Variants in STIM1 observed in about 807,000 individuals in gnomAD.
The protein encoded by STIM1 is stromal interaction molecule 1.
STIM1 carries 25 observed loss-of-function variants against 74.7 expected under a neutral mutation model. The ratio of observed to expected loss-of-function variants is 0.33; its 90% CI spans 0.24 to 0.47. The LOEUF is 0.47. Ranked by LOEUF, STIM1 falls within the 20% of genes least tolerant of loss-of-function variation. The pLI, the probability that STIM1 is intolerant of heterozygous loss-of-function variation, is 1.00. For synonymous variants in STIM1, 328 were observed against 348.8 expected (o/e 0.94, Z 0.66); for missense variants, 728 against 920.8 (o/e 0.79, Z 2.71).
At chr11:4,075,614 T>C (rs1362125310) in intron 7 of STIM1, among the ~76,000 whole-genome samples, 7 of 152,240 alleles carry the variant, frequency 4.6e-5, no homozygotes, top group Admixed American at 4.6e-4. Flanking sequence ...TACTTTAATT[T>C]ATCCACTCTT....
intron 3 of STIM1, among the ~76,000 whole-genome samples, chr11:4,043,198 T>C (rs2094162003): frequency 6.6e-6 from 1 of 152,214 alleles, no homozygotes; most frequent in South Asian, 2.1e-4. Context: ...TGGCAGTCTT[T>C]AATAACTTTA....
intron 2 of STIM1, among the ~76,000 whole-genome samples, chr11:3,974,513 CA>C (rs554777497): frequency 0.026 from 1,811 of 70,242 alleles, 12 homozygotes; most frequent in African/African-American, 0.046. Flanking sequence ...CTATCTCTAC[CA>C]AAAAAAAAAA....
intron 3 of STIM1, among the ~76,000 whole-genome samples, chr11:4,048,457 T>TTCCA (rs2094211318): frequency 6.6e-6 from 1 of 152,166 alleles, no homozygotes; most frequent in Non-Finnish European, 1.5e-5. Context: ...GCTTTTTTGC[T>TTCCA]GAAAATCAGT....
intron 7 of STIM1, among the ~76,000 whole-genome samples, chr11:4,078,494 G>T (rs2094448713): frequency 6.6e-6 from 1 of 151,922 alleles, no homozygotes; most frequent in Non-Finnish European, 1.5e-5. Context: ...AATCATCTTA[G>T]AAAGGCTTTT....
chr11:4,068,345 G>A (rs941307801), intron 5 of STIM1, among the ~76,000 whole-genome samples: 4 of 152,188 alleles, frequency 2.6e-5, no homozygotes, highest in Non-Finnish European at 5.9e-5. Context: ...GTTGCATGGA[G>A]TCTTGTTTGA....
chr11:3,883,348 T>G (rs184379618), intron 1 of STIM1, among the ~76,000 whole-genome samples: 60 of 152,246 alleles, frequency 3.9e-4, no homozygotes, highest in Non-Finnish European at 2.8e-4. Flanking sequence ...ACACCATTTT[T>G]TTTGTTTGTT....
rs7928545 is a variant in STIM1 at position 3,989,299 on chromosome 11, C to T, written c.270+21617C>T. 895 of 935,702 alleles carry T rather than the reference C, an allele frequency of 9.6e-4. 3 individuals are homozygous for T. The African/African-American group carries it at 0.013, about 13-fold the overall frequency. 58.0% of individuals were successfully genotyped at this position (935,702 alleles called of 1,614,324 possible). A position where few individuals can be genotyped will look rare whatever the true frequency, so the allele number is the denominator to read the frequency against. On this transcript the variant is annotated intron_variant, in intron 2 of 12. Transcript: ENST00000526596. ...CTGTTTTCCCTTTGCTCCCCTTTTC[C>T]CTTTTGTTTGCACTTGTTTGTCTGA...
At chr11:3,938,877 T>A (rs1170505030) in intron 1 of STIM1, among the ~76,000 whole-genome samples, 1 of 152,174 alleles carries the variant, frequency 6.6e-6, no homozygotes, top group African/African-American at 2.4e-5. Flanking sequence ...TCATCCAGAA[T>A]GAGCAGGGTT....
intron 2 of STIM1, among the ~76,000 whole-genome samples, chr11:3,978,880 G>T (rs1053587201): frequency 6.6e-6 from 1 of 152,098 alleles, no homozygotes; most frequent in Non-Finnish European, 1.5e-5. Context: ...CTGGCATCAG[G>T]TTCCCGATGC....
intron 1 of STIM1, among the ~76,000 whole-genome samples, chr11:3,881,932 A>G (rs752991249): frequency 8.6e-5 from 13 of 151,834 alleles, no homozygotes; most frequent in Non-Finnish European, 1.8e-4. Context: ...TTAGCCTCCC[A>G]AAGTGCTGGG....
intron 1 of STIM1, among the ~76,000 whole-genome samples, chr11:3,922,120 A>G (rs1018930404): frequency 6.6e-6 from 1 of 152,042 alleles, no homozygotes; most frequent in Non-Finnish European, 1.5e-5. Flanking sequence ...ATAGATATTA[A>G]TATACATTCC....
At chr11:3,952,071 CAG>C (rs2093155934) in intron 1 of STIM1, among the ~76,000 whole-genome samples, 1 of 152,124 alleles carries the variant, frequency 6.6e-6, no homozygotes, top group Non-Finnish European at 1.5e-5. Context: ...GGGCTAGACA[CAG>C]GGGAATACCA....
intron 1 of STIM1, among the ~76,000 whole-genome samples, chr11:3,928,504 G>C (rs2092817049): frequency 6.6e-6 from 1 of 152,164 alleles, no homozygotes. Flanking sequence ...TGGGATTACA[G>C]ATGTGAGCCA....
Position 3,924,767 on chromosome 11 carries a change from G to A in STIM1, c.140-42785G>A, listed in dbSNP as rs554137634. 5.9e-5 allele frequency among the ~76,000 whole-genome samples: 9 copies of A among 151,890 alleles called. No individual in the cohort carries two copies. The South Asian group carries it at 6.2e-4, about 11-fold the overall frequency. ...TTCCAGTTGAAGCAGCTACTTTTTC[G>A]TGGTTACACTTAAGTATTTTTAAAA... On this transcript the variant is annotated intron_variant, in intron 1 of 12. Transcript: ENST00000526596.
intron 1 of STIM1, among the ~76,000 whole-genome samples, chr11:3,955,744 T>G (rs11828337): frequency 0.35 from 53,502 of 151,714 alleles, 9,592 homozygotes; most frequent in South Asian, 0.48. Flanking sequence ...ATTGGTCTGG[T>G]GTGGGGCCTG....
intron 7 of STIM1, among the ~76,000 whole-genome samples, chr11:4,075,297 A>G (rs2094431539): frequency 6.6e-6 from 1 of 152,210 alleles, no homozygotes; most frequent in Admixed American, 6.5e-5. Context: ...ACAGCTGGCA[A>G]GCTTTTGCAT....
chr11:3,996,594 G>T (rs561143026), intron 2 of STIM1, among the ~76,000 whole-genome samples: 1 of 152,336 alleles, frequency 6.6e-6, no homozygotes, highest in East Asian at 1.9e-4. Context: ...TCAGTGTGCA[G>T]TGGAGTTTCT....
At chr11:3,992,804 T>C (rs2093628251) in intron 2 of STIM1, among the ~76,000 whole-genome samples, 1 of 152,228 alleles carries the variant, frequency 6.6e-6, no homozygotes, top group South Asian at 2.1e-4. Flanking sequence ...ATCCAAAACC[T>C]GCTATATATA....
intron 1 of STIM1, among the ~76,000 whole-genome samples, chr11:3,881,091 T>TAAA (rs1169148093): frequency 7.6e-6 from 1 of 130,810 alleles, no homozygotes; most frequent in South Asian, 2.4e-4. Context: ...GGCCGTTTAT[T>TAAA]AAAAAAAAAA....
Sources: allele counts gnomAD v4.1 joint callset (sites outside exome capture counted in the v4.1 genomes callset), GRCh38; gene constraint gnomAD v4.1.1; transcripts MANE v1.5; gene names NCBI Gene and HGNC (gene_info 2026-07-23, HGNC 2026-07-21).